LRP1B: variants seen among roughly 807,000 people sequenced by gnomAD.
LRP1B encodes low-density lipoprotein receptor-related protein 1B.
LRP1B carries 217 observed loss-of-function variants against 556.6 expected under a neutral mutation model. The observed-to-expected ratio is 0.39, with a 90% CI of 0.35 to 0.44. The LOEUF (loss-of-function observed/expected upper bound fraction) is 0.44, where lower values mean the gene tolerates loss of function less well. Ranked by LOEUF, LRP1B falls within the 20% of genes least tolerant of loss-of-function variation. LRP1B has a pLI of 1.00. For synonymous variants in LRP1B, 2,047 were observed against 1,865.8 expected (o/e 1.10, Z -2.50); for missense variants, 5,053 against 5,620.8 (o/e 0.90, Z 3.23).
chr2:140,541,693 C>G, intron 44 of LRP1B, 86 bp downstream of exon 44: 1 of 1,060,690 alleles, frequency 9.4e-7, no homozygotes, highest in Non-Finnish European at 1.3e-6. Flanking sequence ...AAAGCAAATC[C>G]AACTATTACT....
At chr2:140,269,343 TTCTG>T (rs1224754429) in intron 86 of LRP1B, 4 of 470,930 alleles carry the variant, frequency 8.5e-6, no homozygotes, top group South Asian at 6.2e-5. Context: ...AGGGTTCTCT[TTCTG>T]GTCACAGCGC....
At chr2:141,468,488 A>G (rs551678589) in intron 3 of LRP1B, among the ~76,000 whole-genome samples, 1 of 152,318 alleles carries the variant, frequency 6.6e-6, no homozygotes, top group Admixed American at 6.5e-5. Context: ...ATACACACAT[A>G]TATTTCTGTA....
rs141948661 is a variant in LRP1B at position 140,463,958 on chromosome 2, G to A, written c.9626-6307C>T. Among the ~76,000 whole-genome samples the A allele has an allele frequency of 3.3e-3, 505 of 152,224 alleles. 2 individuals carry two copies. Among genetic ancestry groups the A allele is most frequent in the Non-Finnish European group, 5.2e-3 (357 of 68,018 alleles). ...CGCCTGTAATCCCAGCATTTTGGGA[G>A]GCTGAGGTGGGCAGATCACCTGAGG... On this transcript the variant is annotated intron_variant, in intron 60 of 90. Transcript: ENST00000389484.
chr2:141,481,851 T>C (rs186029592), intron 2 of LRP1B, among the ~76,000 whole-genome samples: 3 of 152,312 alleles, frequency 2.0e-5, no homozygotes, highest in Admixed American at 1.3e-4. Flanking sequence ...CTTAGAATAC[T>C]GTCTGGCAGA....
At chr2:141,058,800 C>A (rs1014835542) in intron 9 of LRP1B, 83 bp downstream of exon 9, 16 of 1,219,364 alleles carry the variant, frequency 1.3e-5, no homozygotes, top group Non-Finnish European at 1.7e-5. Flanking sequence ...GACTCACTCA[C>A]TTCAACACCA....
At chr2:140,358,355 C>T (rs1682334290) in intron 73 of LRP1B, among the ~76,000 whole-genome samples, 1 of 151,474 alleles carries the variant, frequency 6.6e-6, no homozygotes, top group African/African-American at 2.4e-5. Flanking sequence ...AAAATATTTA[C>T]CCTAAGTGTA....
chr2:141,090,856 A>G (rs1700154761), intron 7 of LRP1B, among the ~76,000 whole-genome samples: 1 of 152,184 alleles, frequency 6.6e-6, no homozygotes, highest in African/African-American at 2.4e-5. Context: ...ATCATGACAC[A>G]TATTTGACAT....
At chr2:141,754,707 T>C (rs370054030) in intron 2 of LRP1B, among the ~76,000 whole-genome samples, 4 of 152,268 alleles carry the variant, frequency 2.6e-5, no homozygotes, top group African/African-American at 7.2e-5. Flanking sequence ...CTTAACCCAA[T>C]AGCTGTGACC....
chr2:141,064,082 G>C (rs1699413965), intron 7 of LRP1B, among the ~76,000 whole-genome samples: 1 of 151,912 alleles, frequency 6.6e-6, no homozygotes, highest in South Asian at 2.1e-4. Context: ...GGCGTCTCAA[G>C]ACAAGAACCT....
rs2105199002 is a variant in LRP1B at position 140,601,558 on chromosome 2, G to A, written c.6881C>T (p.Thr2294Ile). Residue 2294 changes from threonine (T) to isoleucine (I), a missense_variant, in exon 42 of 91, where the codon ACC (threonine) becomes ATC (isoleucine). Physicochemically the swap from Thr to Ile is moderately conservative, Grantham distance 89 (BLOSUM62 -1). This residue lies in a region of LRP1B where 3,619 missense variants were observed against 3,931.9 expected (regional missense o/e 0.92). Coordinates refer to ENST00000389484, the MANE Select transcript of LRP1B (RefSeq NM_018557.3). The stretch of plus-strand genomic sequence containing the variant: ...CCGAGTCTGGTCCACAGTGTGTCTG[G>A]TGATGGATGAGGTGGTAGAGCTTGT... The part of the protein sequence containing the change: ...YWTSSTTSSI[T>I]RHTVDQTRPG... The A allele has an allele frequency of 6.2e-7, 1 of 1,613,242 alleles. No individual in the cohort carries two copies. The highest frequency in any genetic ancestry group is 1.1e-5 in the South Asian group (1 of 91,042).
At chr2:140,579,912 T>C (rs1681694353) in intron 43 of LRP1B, among the ~76,000 whole-genome samples, 1 of 152,192 alleles carries the variant, frequency 6.6e-6, no homozygotes, top group South Asian at 2.1e-4. Context: ...AGTTTTCATT[T>C]CTGCTTTCCT....
chr2:141,139,906 A>G (rs1163755303), intron 7 of LRP1B, among the ~76,000 whole-genome samples: 4 of 151,950 alleles, frequency 2.6e-5, no homozygotes, highest in Non-Finnish European at 5.9e-5. Context: ...AAATGATTAT[A>G]GCATCTTTAT....
chr2:141,582,350 C>G (rs973415371), intron 2 of LRP1B, among the ~76,000 whole-genome samples: 6 of 152,130 alleles, frequency 3.9e-5, no homozygotes, highest in African/African-American at 1.4e-4. Context: ...CAAGTTGTTC[C>G]TGCTGCTGTT....
chr2:142,063,567 A>T (rs1574646470), intron 1 of LRP1B, among the ~76,000 whole-genome samples: 1 of 151,744 alleles, frequency 6.6e-6, no homozygotes, highest in East Asian at 1.9e-4. Context: ...GTTATAACAG[A>T]TCTTTTCTAA....
chr2:140,801,888 GAAGTT>G (rs1032186204), intron 32 of LRP1B, among the ~76,000 whole-genome samples: 1 of 151,832 alleles, frequency 6.6e-6, no homozygotes, highest in Non-Finnish European at 1.5e-5. Flanking sequence ...GCTCCGACAA[GAAGTT>G]AAGTTCCTAA....
rs2105422094 is a variant in LRP1B, at chr2:140,700,602, C to T, written c.6447G>A (p.Arg2149=). 6.2e-7 allele frequency: 1 copy of T among 1,613,426 alleles called. No homozygotes were observed. The highest frequency in any genetic ancestry group is 8.5e-7 in the Non-Finnish European group (1 of 1,179,586). ...VREKGTNVCA[R]DNGGCKQLCL... is the part of the protein sequence containing the mutation. ...AGAGTTGCTTACAGCCACCATTGTC[C>T]CTGGCACAAACATTGGTCCCTAATG... The change falls in exon 41 of 91, where the codon AGG becomes AGA. Residue 2149 remains arginine (R), a synonymous_variant. Transcript: ENST00000389484.
At chr2:140,949,313 G>A (rs1695634848) in intron 20 of LRP1B, among the ~76,000 whole-genome samples, 1 of 152,122 alleles carries the variant, frequency 6.6e-6, no homozygotes, top group Non-Finnish European at 1.5e-5. Flanking sequence ...TTGCTTGACA[G>A]TCTAATGATT....
In LRP1B at chr2:140,655,032, G is replaced by GTGTATATATATATATATATATATA. The variant is rs767709816; in HGVS notation, c.6799+45217_6799+45218insTATATATATATATATATATATACA. Among the ~76,000 whole-genome samples the GTGTATATATATATATATATATATA allele has an allele frequency of 1.4e-4, 21 of 147,158 alleles. 1 individual carries two copies. Among genetic ancestry groups the GTGTATATATATATATATATATATA allele is most frequent in the African/African-American group, 5.3e-4 (21 of 39,306 alleles). ...GAGAAATTTGTATGGGTATATGTAT[G>GTGTATATATATATATATATATATA]TATATATATATATATCTCCTAGCTC... On this transcript the variant is annotated intron_variant, in intron 41 of 90. Coordinates refer to ENST00000389484, the MANE Select transcript of LRP1B (RefSeq NM_018557.3).
At chr2:140,331,410 A>T (rs987642476) in intron 79 of LRP1B, among the ~76,000 whole-genome samples, 1 of 150,004 alleles carries the variant, frequency 6.7e-6, no homozygotes, top group Non-Finnish European at 1.5e-5. Context: ...CCCAATAACA[A>T]TAATAATCAG....
Sources: gnomAD v4.1 joint callset for allele counts (sites outside exome capture counted in the v4.1 genomes callset) on GRCh38, gnomAD v4.1.1 for gene constraint, gnomAD v4.1.1 regional missense constraint, MANE v1.5 for transcripts, NCBI Gene and HGNC (gene_info 2026-07-23, HGNC 2026-07-21) for gene names.